Variants in SLAMF6 observed in about 807,000 individuals in gnomAD.
SLAMF6 encodes SLAM family member 6, also known as NK-T-B-antigen.
In SLAMF6, 21 loss-of-function variants were observed where a neutral mutation model predicts 38.3. That is an observed-to-expected ratio of 0.55 (90% CI 0.39 to 0.79). The LOEUF (loss-of-function observed/expected upper bound fraction) is 0.79, where lower values mean the gene tolerates loss of function less well. SLAMF6 is among the 30% of genes least tolerant of loss of function. SLAMF6 has a pLI of 0.00. For synonymous variants in SLAMF6, 152 were observed against 146.3 expected (o/e 1.04, Z -0.28); for missense variants, 341 against 385.3 (o/e 0.89, Z 0.96).
chr1:160,497,319 C>T (rs1009489875), intron 1 of SLAMF6, among the ~76,000 whole-genome samples: 1 of 152,116 alleles, frequency 6.6e-6, no homozygotes, highest in Non-Finnish European at 1.5e-5. Flanking sequence ...AAATTCTTAG[C>T]AATTATTACA....
At chr1:160,497,823 A>G (rs757702615) in intron 1 of SLAMF6, among the ~76,000 whole-genome samples, 2 of 152,150 alleles carry the variant, frequency 1.3e-5, no homozygotes, top group Non-Finnish European at 2.9e-5. Context: ...ATTCTTTTTT[A>G]TGGCTGGTTA....
chr1:160,518,789 A>C (rs1054242458), intron 1 of SLAMF6, among the ~76,000 whole-genome samples: 2 of 152,086 alleles, frequency 1.3e-5, no homozygotes, highest in Non-Finnish European at 2.9e-5. Context: ...GGGGAGAGAG[A>C]GCATCAGGAA....
At chr1:160,491,496 G>T (rs1293616307) in intron 2 of SLAMF6, 108 bp from the exon 3 acceptor site, 40 of 1,469,002 alleles carry the variant, frequency 2.7e-5, no homozygotes, top group Non-Finnish European at 3.6e-5. Flanking sequence ...TTTGCTGTGT[G>T]TTATGGTCTG....
At chr1:160,504,186 A>G (rs1386112554) in intron 1 of SLAMF6, among the ~76,000 whole-genome samples, 2 of 152,288 alleles carry the variant, frequency 1.3e-5, no homozygotes, top group East Asian at 1.9e-4. Flanking sequence ...AAATAAGTCT[A>G]GGAATCTAAT....
chr1:160,516,812 G>T (rs1378924552), intron 1 of SLAMF6, among the ~76,000 whole-genome samples: 2 of 152,150 alleles, frequency 1.3e-5, no homozygotes, highest in African/African-American at 2.4e-5. Context: ...TCCATATGCA[G>T]AAAATTGAAA....
At chr1:160,487,429 G>C (rs914800105) in intron 6 of SLAMF6, among the ~76,000 whole-genome samples, 1 of 152,218 alleles carries the variant, frequency 6.6e-6, no homozygotes, top group African/African-American at 2.4e-5. Flanking sequence ...GAGAAAGGCA[G>C]CCTTGCTGTA....
intron 1 of SLAMF6, among the ~76,000 whole-genome samples, chr1:160,502,182 G>A (rs553427554): frequency 1.3e-5 from 2 of 152,296 alleles, no homozygotes; most frequent in Non-Finnish European, 2.9e-5. Context: ...TGATGTTCTT[G>A]GAATAAGCAG....
chr1:160,511,797 C>G (rs1168179505), intron 1 of SLAMF6, among the ~76,000 whole-genome samples: 1 of 152,098 alleles, frequency 6.6e-6, no homozygotes, highest in Non-Finnish European at 1.5e-5. Context: ...CCTGCACCAG[C>G]AACTAAGGTA....
chr1:160,506,401 C>A (rs1264503779), intron 1 of SLAMF6, among the ~76,000 whole-genome samples: 1 of 152,006 alleles, frequency 6.6e-6, no homozygotes, highest in East Asian at 1.9e-4. Flanking sequence ...CACCCATCAA[C>A]CAAGAATTCT....
intron 1 of SLAMF6, among the ~76,000 whole-genome samples, chr1:160,507,594 C>T (rs1571305596): frequency 2.0e-5 from 3 of 152,028 alleles, no homozygotes; most frequent in Admixed American, 2.0e-4. Context: ...ATACATTTTC[C>T]TCAAATGCAC....
chr1:160,489,508 A>G (rs140738112), intron 5 of SLAMF6, among the ~76,000 whole-genome samples: 10 of 152,288 alleles, frequency 6.6e-5, no homozygotes, highest in African/African-American at 1.7e-4. Context: ...GGCAAACATA[A>G]TGGAGCCAGT....
intron 1 of SLAMF6, among the ~76,000 whole-genome samples, chr1:160,498,651 C>T (rs1653722187): frequency 6.6e-6 from 1 of 152,168 alleles, no homozygotes; most frequent in South Asian, 2.1e-4. Flanking sequence ...ATAATGGGAG[C>T]TCTACAGTTC....
chr1:160,489,817 C>A (rs1337634645), intron 5 of SLAMF6, among the ~76,000 whole-genome samples: 1 of 152,124 alleles, frequency 6.6e-6, no homozygotes, highest in Non-Finnish European at 1.5e-5. Context: ...TATCCATTGC[C>A]CAGACCCTGG....
In SLAMF6 at chr1:160,485,507, G is replaced by C. The variant is rs1016645764; in HGVS notation, c.*1200C>G. On this transcript the variant is annotated 3_prime_UTR_variant, in exon 8 of 8. Transcript: ENST00000368057. ...AACATAAAGAACTTTTCCTTTAATA[G>C]AGGAGCTGAAAGAAGATCAGGGAGG... is the stretch of plus-strand genomic sequence containing the variant. The C allele has an allele frequency of 2.0e-5, 3 of 152,238 alleles. No individual in the cohort carries two copies. The highest frequency in any genetic ancestry group is 7.2e-5 in the African/African-American group (3 of 41,460). 9.4% of individuals were successfully genotyped at this position (152,238 alleles called of 1,614,324 possible).
Position 160,520,472 on chromosome 1 carries a change from C to T in SLAMF6, c.49+2672G>A, listed in dbSNP as rs148328584. ...CTCTTAGAAATGCAGAATCTCAGTC[C>T]CTATTCCCCAATCAGCATTTTAATA... On this transcript the variant is annotated intron_variant, in intron 1 of 7. Coordinates refer to ENST00000368057, the MANE Select transcript of SLAMF6 (RefSeq NM_001184714.2). 2.2e-4 allele frequency among the ~76,000 whole-genome samples: 34 copies of T among 152,234 alleles called. No individual in the cohort carries two copies. The East Asian group carries it at 4.8e-3, about 22-fold the overall frequency.
chr1:160,504,723 C>T (rs1654090396), intron 1 of SLAMF6, among the ~76,000 whole-genome samples: 1 of 152,132 alleles, frequency 6.6e-6, no homozygotes, highest in Non-Finnish European at 1.5e-5. Context: ...TGGGGCAAAA[C>T]ATTATAGTGG....
Position 160,486,662 on chromosome 1 carries a change from C to T in SLAMF6, c.*45G>A. On this transcript the variant is annotated 3_prime_UTR_variant, in exon 8 of 8. Coordinates refer to ENST00000368057, the MANE Select transcript of SLAMF6 (RefSeq NM_001184714.2). ...TGTTCTTTGTTCTGTCTCATGGGAT[C>T]AGAAGACGTGTCATTCCCGAATTCC... 2.6e-6 allele frequency: 4 copies of T among 1,561,866 alleles called. No individual in the cohort carries two copies. The highest frequency in any genetic ancestry group is 3.5e-6 in the Non-Finnish European group (4 of 1,133,106).
chr1:160,506,008 G>C (rs1297612534), intron 1 of SLAMF6, among the ~76,000 whole-genome samples: 1 of 152,030 alleles, frequency 6.6e-6, no homozygotes, highest in South Asian at 2.1e-4. Context: ...CAGTGCTTAA[G>C]AGATTTGTGG....
At chr1:160,520,783 A>C (rs1368991048) in intron 1 of SLAMF6, among the ~76,000 whole-genome samples, 1 of 152,158 alleles carries the variant, frequency 6.6e-6, no homozygotes, top group Non-Finnish European at 1.5e-5. Context: ...GGCATGAGTC[A>C]TTGTTTTTCA....
Sources: allele counts gnomAD v4.1 joint callset (sites outside exome capture counted in the v4.1 genomes callset), GRCh38; gene constraint gnomAD v4.1.1; transcripts MANE v1.5; gene names NCBI Gene and HGNC (gene_info 2026-07-23, HGNC 2026-07-21).